The following ST18 variants were observed in gnomAD, a reference collection of about 807,000 sequenced individuals.
The protein encoded by ST18 is ST18 C2H2C-type zinc finger transcription factor, also known as suppression of tumorigenicity 18 protein.
ST18 carries 50 observed loss-of-function variants against 110.0 expected under a neutral mutation model. The observed-to-expected ratio is 0.45, with a 90% CI of 0.36 to 0.58. The LOEUF (loss-of-function observed/expected upper bound fraction) is 0.58. Among genes scored for constraint, ST18 ranks in the 20% least tolerant of loss-of-function variants. The probability of loss-of-function intolerance (pLI) is 0.00; values close to 1 mark genes in which losing one functional copy is unlikely to be tolerated. For synonymous variants in ST18, 461 were observed against 452.4 expected (o/e 1.02, Z -0.24); for missense variants, 1,306 against 1,280.1 (o/e 1.02, Z -0.31).
chr8:52,178,348 C>T (rs1383297579), intron 9 of ST18, among the ~76,000 whole-genome samples: 1 of 151,762 alleles, frequency 6.6e-6, no homozygotes, highest in East Asian at 1.9e-4. Flanking sequence ...TAAAACGGAG[C>T]CAGGCATGGT....
rs548422580 is a variant in ST18, at chr8:52,198,108, G to A, written c.86+13971C>T. On this transcript the variant is annotated intron_variant, in intron 8 of 25. Coordinates refer to ENST00000689386, the MANE Select transcript of ST18 (RefSeq NM_001352837.2). Reference sequence around the variant, plus strand: ...GCGATCTCGGCTCACTGCAACCTTCGTGATTCTCCTGCCTCAGCCTCCTGA... The same window carrying A: ...GCGATCTCGGCTCACTGCAACCTTCATGATTCTCCTGCCTCAGCCTCCTGA... Among the ~76,000 whole-genome samples, 8 of 152,234 alleles carry A rather than the reference G, an allele frequency of 5.3e-5. No individual in the cohort carries two copies. In the South Asian group the frequency reaches 6.2e-4, roughly 12 times the overall value.
At chr8:52,257,112 T>G (rs1323552551) in intron 2 of ST18, among the ~76,000 whole-genome samples, 3 of 152,224 alleles carry the variant, frequency 2.0e-5, no homozygotes, top group Non-Finnish European at 4.4e-5. Context: ...TCAAGGTTTA[T>G]CCACATTGTA....
chr8:52,218,586 G>A (rs1001279349), intron 5 of ST18, among the ~76,000 whole-genome samples: 1 of 133,418 alleles, frequency 7.5e-6, no homozygotes, highest in African/African-American at 2.8e-5. Context: ...TTTTAGTAGA[G>A]ACTGGGTTTC....
intron 2 of ST18, among the ~76,000 whole-genome samples, chr8:52,321,514 A>G (rs892233906): frequency 6.6e-6 from 1 of 152,170 alleles, no homozygotes; most frequent in African/African-American, 2.4e-5. Flanking sequence ...CAACTGACAC[A>G]ATGTTTTTGT....
chr8:52,290,345 T>C (rs1589654479), intron 2 of ST18, among the ~76,000 whole-genome samples: 1 of 152,210 alleles, frequency 6.6e-6, no homozygotes, highest in East Asian at 1.9e-4. Flanking sequence ...GAACACATTG[T>C]GTTCCCGCAA....
At chr8:52,175,188 A>G (rs1297802250) in intron 9 of ST18, among the ~76,000 whole-genome samples, 1 of 152,202 alleles carries the variant, frequency 6.6e-6, no homozygotes, top group East Asian at 1.9e-4. Flanking sequence ...TGGAGGCCAC[A>G]CGGGAATACC....
At position 52,149,993 on chromosome 8, in the gene ST18, A is replaced by G; in HGVS notation, c.1807-16T>C. ...TTTCGGCTCCCTGGTATACAATAGG[A>G]AACAGAAAAACATTTAAGCAGTTTG... On this transcript the variant is annotated splice_polypyrimidine_tract_variant and intron_variant, in intron 15 of 25. Transcript: ENST00000689386. 3 of 1,605,010 alleles carry G rather than the reference A, an allele frequency of 1.9e-6. No homozygotes were observed. The South Asian group carries it at 3.4e-5, about 18-fold the overall frequency.
At chr8:52,195,143 A>G (rs1223641602) in intron 8 of ST18, among the ~76,000 whole-genome samples, 2 of 152,212 alleles carry the variant, frequency 1.3e-5, no homozygotes, top group Non-Finnish European at 2.9e-5. Flanking sequence ...TGGCTTCTTC[A>G]AAAACGTAAT....
intron 2 of ST18, among the ~76,000 whole-genome samples, chr8:52,388,465 C>T (rs1837765873): frequency 6.6e-6 from 1 of 152,112 alleles, no homozygotes; most frequent in South Asian, 2.1e-4. Flanking sequence ...ACGTTGCACA[C>T]GGCTGAGCCA....
intron 8 of ST18, among the ~76,000 whole-genome samples, chr8:52,200,865 T>C (rs759423939): frequency 6.6e-6 from 1 of 152,220 alleles, no homozygotes; most frequent in African/African-American, 2.4e-5. Context: ...TATCAATTCA[T>C]GGCAGAAGAT....
At chr8:52,232,184 A>G (rs1423201070) in intron 2 of ST18, among the ~76,000 whole-genome samples, 1 of 152,342 alleles carries the variant, frequency 6.6e-6, no homozygotes, top group Non-Finnish European at 1.5e-5. Context: ...ATAGAAAGGA[A>G]CAGATAAAAA....
chr8:52,383,563 C>G (rs1261507113), intron 2 of ST18, among the ~76,000 whole-genome samples: 1 of 151,714 alleles, frequency 6.6e-6, no homozygotes, highest in Middle Eastern at 3.4e-3. Context: ...ATTCTCCTGC[C>G]TCAGCCTCCT....
chr8:52,335,639 A>C (rs1179327158), intron 2 of ST18, among the ~76,000 whole-genome samples: 3 of 152,148 alleles, frequency 2.0e-5, no homozygotes, highest in Non-Finnish European at 4.4e-5. Context: ...TTATGTTTGA[A>C]GTTTTCTACC....
intron 2 of ST18, among the ~76,000 whole-genome samples, chr8:52,319,512 A>G (rs1802951381): frequency 6.6e-6 from 1 of 152,054 alleles, no homozygotes; most frequent in African/African-American, 2.4e-5. Flanking sequence ...TTTTTAGTTT[A>G]TCATTATGAA....
At chr8:52,205,369 G>A (rs2079583526) in intron 8 of ST18, among the ~76,000 whole-genome samples, 1 of 151,696 alleles carries the variant, frequency 6.6e-6, no homozygotes, top group South Asian at 2.1e-4. Flanking sequence ...AATCAGCCTT[G>A]GGAATACAAG....
rs747460055 is a variant in ST18 at position 52,131,926 on chromosome 8, ACT to A, written c.2666+30_2666+31del. The A allele has an allele frequency of 1.2e-5, 20 of 1,609,694 alleles. No individual in the cohort carries two copies. The East Asian group carries it at 4.5e-4, about 36-fold the overall frequency. On this transcript the variant is annotated intron_variant, in intron 22 of 25. Coordinates refer to ENST00000689386, the MANE Select transcript of ST18 (RefSeq NM_001352837.2). Reference sequence around the variant, plus strand: ...AGCCTAGGCGACAACCGATCACAACACTACAACAAAAAGACAGAAAACTCATG... The same window carrying A: ...AGCCTAGGCGACAACCGATCACAACAACAACAAAAAGACAGAAAACTCATG...
intron 17 of ST18, among the ~76,000 whole-genome samples, chr8:52,139,240 T>C (rs763979973): frequency 3.3e-5 from 5 of 152,268 alleles, no homozygotes; most frequent in East Asian, 3.9e-4. Context: ...AACTGGAGTA[T>C]TCAGAGTGAG....
At chr8:52,302,940 A>T (rs928954706) in intron 2 of ST18, among the ~76,000 whole-genome samples, 1 of 152,222 alleles carries the variant, frequency 6.6e-6, no homozygotes, top group African/African-American at 2.4e-5. Context: ...ATGGATGCTA[A>T]AAGCTAATGG....
chr8:52,212,057 A>C (rs80008428), intron 8 of ST18, 22 bp downstream of exon 8: 1 of 1,601,696 alleles, frequency 6.2e-7, no homozygotes, highest in Admixed American at 1.8e-5. Context: ...GTGAAAAAAA[A>C]GTAATATAGG....
Sources: gnomAD v4.1 joint callset for allele counts (sites outside exome capture counted in the v4.1 genomes callset) on GRCh38, gnomAD v4.1.1 for gene constraint, MANE v1.5 for transcripts, NCBI Gene and HGNC (gene_info 2026-07-23, HGNC 2026-07-21) for gene names.